The following ARHGAP24 variants were observed in gnomAD, a reference collection of about 807,000 sequenced individuals.
The protein encoded by ARHGAP24 is rho GTPase-activating protein 24.
Under a neutral mutation model 76.4 loss-of-function variants are expected in ARHGAP24, and 50 were observed. That is an observed-to-expected ratio of 0.65 (90% confidence interval 0.52 to 0.83). ARHGAP24 has a LOEUF of 0.83. ARHGAP24 is among the 40% of genes least tolerant of loss of function. The probability of loss-of-function intolerance (pLI) is 0.00; values close to 1 mark genes in which losing one functional copy is unlikely to be tolerated. For synonymous variants in ARHGAP24, 345 were observed against 323.3 expected (o/e 1.07, Z -0.72); for missense variants, 930 against 914.2 (o/e 1.02, Z -0.22).
Position 85,791,111 on chromosome 4 carries a change from C to A in ARHGAP24, c.268+69139C>A, listed in dbSNP as rs552691644. ...CTGTTGTGTCCTTCCCCTTTTTAAC[C>A]AAACAAAGAAATAAAGAATCACAGA... On this transcript the variant is annotated intron_variant, in intron 3 of 9. Transcript: ENST00000395184. Among the ~76,000 whole-genome samples the A allele has an allele frequency of 5.3e-5, 8 of 152,180 alleles. No homozygotes were observed. In the South Asian group the frequency reaches 1.7e-3, roughly 32 times the overall value.
At chr4:85,677,503 TCTG>T (rs1286595939) in intron 2 of ARHGAP24, among the ~76,000 whole-genome samples, 1 of 152,216 alleles carries the variant, frequency 6.6e-6, no homozygotes, top group Admixed American at 6.5e-5. Flanking sequence ...TGTACTCATT[TCTG>T]CTGCTGCTGC....
chr4:85,836,970 C>CA (rs1007255670), intron 3 of ARHGAP24, among the ~76,000 whole-genome samples: 5 of 149,184 alleles, frequency 3.4e-5, no homozygotes, highest in Non-Finnish European at 1.5e-5. Flanking sequence ...TCTCAAATGC[C>CA]AAAAAGGAGG....
At position 85,855,708 on chromosome 4, in the gene ARHGAP24, G is replaced by A. The variant is rs1198818285; in HGVS notation, c.269-67940G>A. ...CAGGAGAATGGCTTGAACCCAGGAG[G>A]TGGAGGTTGCAGTGATCTGAGATTG... On this transcript the variant is annotated intron_variant, in intron 3 of 9. Transcript: ENST00000395184. 2.6e-5 allele frequency among the ~76,000 whole-genome samples: 4 copies of A among 151,674 alleles called. No individual in the cohort carries two copies. In the South Asian group the frequency reaches 8.3e-4, roughly 32 times the overall value.
chr4:85,585,174 AG>A (rs1204291141), intron 2 of ARHGAP24, among the ~76,000 whole-genome samples: 1 of 152,174 alleles, frequency 6.6e-6, no homozygotes, highest in Non-Finnish European at 1.5e-5. Context: ...TATAAACCTG[AG>A]TTTTGTTTCT....
At chr4:85,637,681 T>TTGAATAATGAA (rs1721379232) in intron 2 of ARHGAP24, among the ~76,000 whole-genome samples, 1 of 151,852 alleles carries the variant, frequency 6.6e-6, no homozygotes, top group East Asian at 1.9e-4. Context: ...TACATAATGA[T>TTGAATAATGAA]GTTGAAATAA....
At chr4:85,534,502 G>C (rs1725388669) in intron 1 of ARHGAP24, among the ~76,000 whole-genome samples, 1 of 152,300 alleles carries the variant, frequency 6.6e-6, no homozygotes, top group East Asian at 1.9e-4. Flanking sequence ...TGACATGTTT[G>C]CCTGGCCACA....
chr4:85,526,460 T>C (rs919457985), intron 1 of ARHGAP24, among the ~76,000 whole-genome samples: 4 of 151,714 alleles, frequency 2.6e-5, no homozygotes, highest in Non-Finnish European at 1.5e-5. Context: ...TAAAATCAGA[T>C]TATGAGATAA....
intron 2 of ARHGAP24, among the ~76,000 whole-genome samples, chr4:85,718,812 C>A (rs1281573316): frequency 1.3e-5 from 2 of 152,116 alleles, no homozygotes; most frequent in African/African-American, 4.8e-5. Flanking sequence ...CCAGAAGTAG[C>A]TGTTTCACAT....
intron 3 of ARHGAP24, among the ~76,000 whole-genome samples, chr4:85,875,867 G>A (rs1372505334): frequency 1.3e-5 from 2 of 150,824 alleles, no homozygotes; most frequent in East Asian, 1.9e-4. Flanking sequence ...TCAGCCTCCC[G>A]AGTTAGCTGA....
chr4:85,525,069 A>G (rs1287832406), intron 1 of ARHGAP24, among the ~76,000 whole-genome samples: 5 of 152,096 alleles, frequency 3.3e-5, no homozygotes, highest in Admixed American at 3.3e-4. Flanking sequence ...TTTTAGCTAG[A>G]GTCCAACATA....
intron 3 of ARHGAP24, among the ~76,000 whole-genome samples, chr4:85,871,188 G>A (rs1732505925): frequency 1.3e-5 from 2 of 152,022 alleles, no homozygotes; most frequent in South Asian, 4.1e-4. Flanking sequence ...AGGGGTAGGA[G>A]GGCTTTAGGT....
intron 1 of ARHGAP24, among the ~76,000 whole-genome samples, chr4:85,560,596 C>T (rs1400288565): frequency 3.3e-5 from 5 of 152,134 alleles, no homozygotes; most frequent in African/African-American, 9.7e-5. Flanking sequence ...AATAACTGTA[C>T]GTAAGTTCCC....
At chr4:85,866,067 C>T (rs935572746) in intron 3 of ARHGAP24, among the ~76,000 whole-genome samples, 1 of 152,120 alleles carries the variant, frequency 6.6e-6, no homozygotes, top group African/African-American at 2.4e-5. Flanking sequence ...GAGATTCTCA[C>T]AATGATCCCT....
At chr4:85,643,249 T>G (rs1323902567) in intron 2 of ARHGAP24, among the ~76,000 whole-genome samples, 1,229 of 54,148 alleles carry the variant, frequency 0.023, 154 homozygotes, top group African/African-American at 0.1. Context: ...TTTTTTTTTT[T>G]TTTTTTTTTT....
intron 2 of ARHGAP24, among the ~76,000 whole-genome samples, chr4:85,598,746 G>GTT (rs1195616574): frequency 4.9e-4 from 65 of 133,240 alleles, no homozygotes; most frequent in African/African-American, 1.6e-3. Flanking sequence ...GTTTTGTTTT[G>GTT]TTTTTTTTTT....
intron 3 of ARHGAP24, among the ~76,000 whole-genome samples, chr4:85,802,905 C>G (rs910373957): frequency 1.3e-5 from 2 of 152,100 alleles, no homozygotes; most frequent in Non-Finnish European, 2.9e-5. Context: ...TATGGTAAGT[C>G]GAGGTAGTTT....
intron 2 of ARHGAP24, among the ~76,000 whole-genome samples, chr4:85,689,966 C>T (rs72972865): frequency 6.6e-6 from 1 of 152,094 alleles, no homozygotes; most frequent in Admixed American, 6.5e-5. Context: ...ATGATTCTAG[C>T]TTTTGCCCAT....
chr4:85,670,102 A>G (rs1021516777), intron 2 of ARHGAP24, among the ~76,000 whole-genome samples: 42 of 152,068 alleles, frequency 2.8e-4, no homozygotes, highest in African/African-American at 9.4e-4. Flanking sequence ...TCCTACTTCA[A>G]TAATATTTAA....
At chr4:85,971,824 A>G (rs997394765) in intron 5 of ARHGAP24, among the ~76,000 whole-genome samples, 1 of 151,786 alleles carries the variant, frequency 6.6e-6, no homozygotes, top group African/African-American at 2.4e-5. Context: ...CCACTCTCAC[A>G]CTGAGGATTC....
Sources: allele counts gnomAD v4.1 joint callset (sites outside exome capture counted in the v4.1 genomes callset), GRCh38; gene constraint gnomAD v4.1.1; transcripts MANE v1.5; gene names NCBI Gene and HGNC (gene_info 2026-07-23, HGNC 2026-07-21).